LYST: variants seen among roughly 807,000 people sequenced by gnomAD.
LYST encodes lysosomal-trafficking regulator.
LYST carries 192 observed loss-of-function variants against 413.6 expected under a neutral mutation model. The observed-to-expected ratio is 0.46, with a 90% CI of 0.41 to 0.52. LYST has a LOEUF of 0.52. Ranked by LOEUF, LYST falls within the 20% of genes least tolerant of loss-of-function variation. The pLI, the probability that LYST is intolerant of heterozygous loss-of-function variation, is 0.00. For synonymous variants in LYST, 1,525 were observed against 1,567.3 expected (o/e 0.97, Z 0.64); for missense variants, 3,815 against 4,499.9 (o/e 0.85, Z 4.35).
intron 30 of LYST, 145 bp downstream of exon 30, chr1:235,743,834 A>AT (rs1665654400): frequency 1.8e-6 from 1 of 570,318 alleles, no homozygotes. Flanking sequence ...TTATTCTATA[A>AT]TTAAAAATTC....
rs200512912 is a variant in LYST at position 235,663,103 on chromosome 1, T to A, written c.11268-25A>T. On this transcript the variant is annotated intron_variant, in intron 52 of 52. Transcript: ENST00000389793. ...GCTGTAAAAAAAAAAAAATTCCCAT[T>A]TGTACATTATATTTCTTAAAAGTGT... is the stretch of plus-strand genomic sequence containing the variant. The A allele has an allele frequency of 1.6e-5, 23 of 1,426,324 alleles. No individual in the cohort carries two copies. In the African/African-American group the frequency reaches 3.2e-4, roughly 20 times the overall value. 88.4% of individuals were successfully genotyped at this position (1,426,324 alleles called of 1,614,324 possible).
chr1:235,730,455 C>G (rs1267357117), intron 36 of LYST, among the ~76,000 whole-genome samples: 1 of 151,416 alleles, frequency 6.6e-6, no homozygotes, highest in Non-Finnish European at 1.5e-5. Context: ...GCAGCTCTAT[C>G]TATATTAATA....
At chr1:235,706,508 A>G (rs1007818805) in intron 44 of LYST, among the ~76,000 whole-genome samples, 2 of 152,198 alleles carry the variant, frequency 1.3e-5, no homozygotes, top group African/African-American at 4.8e-5. Context: ...TTGGGGTCTT[A>G]TTTCCACGTG....
rs778040445 is a variant in LYST, at chr1:235,806,224, T to C, written c.2912A>G (p.Tyr971Cys). The C allele has an allele frequency of 1.2e-6, 2 of 1,613,900 alleles. No homozygotes were observed. The highest frequency in any genetic ancestry group is 2.7e-5 in the African/African-American group (2 of 74,918). ...ADIWSMCRWI[Y>C]MLSSVFQKQF... ...TTTCTGGAACACTGAACTCAACATG[T>C]AGATCCAACGACACATAGACCAAAT... The change falls in exon 6 of 53, where the codon TAC (tyrosine) becomes TGC (cysteine). Residue 971 changes from tyrosine to cysteine, a missense_variant. By Grantham distance (194) the Tyr-to-Cys change is radical. This residue lies in a region of LYST where 1,648 missense variants were observed against 1,810.3 expected (regional missense o/e 0.91). Transcript: ENST00000389793.
In LYST at chr1:235,741,648, G is replaced by A. The variant is rs1464250704; in HGVS notation, c.8152-20C>T. On this transcript the variant is annotated intron_variant, in intron 30 of 52. Transcript: ENST00000389793. The stretch of plus-strand genomic sequence containing the variant: ...TGAACCCTAAAATCAATCAAGATAG[G>A]AATGAATTAGGATCAGACTGCTTAA... The A allele has an allele frequency of 1.3e-6, 2 of 1,566,562 alleles. No homozygotes were observed. The highest frequency in any genetic ancestry group is 1.8e-6 in the Non-Finnish European group (2 of 1,137,388).
intron 1 of LYST, among the ~76,000 whole-genome samples, chr1:235,859,515 T>TTA (rs1553324412): frequency 9.9e-5 from 15 of 151,280 alleles, no homozygotes; most frequent in African/African-American, 3.2e-4. Context: ...TTTTTTTTTT[T>TTA]AAATGTATCT....
chr1:235,775,006 T>C lies in LYST; in HGVS notation c.5541A>G (p.Gln1847=), dbSNP rs750867387. The C allele has an allele frequency of 6.2e-7, 1 of 1,609,936 alleles. No individual in the cohort carries two copies. The highest frequency in any genetic ancestry group is 1.1e-5 in the South Asian group (1 of 90,984). Residue 1847 remains glutamine (Q), a synonymous_variant, in exon 18 of 53, where the codon CAA becomes CAG. Coordinates refer to ENST00000389793, the MANE Select transcript of LYST (RefSeq NM_000081.4). Reference sequence around the variant, plus strand: ...TACAATTTTCTAATTCATGTACTCTTTGTTGGTTGTATTTAATTAATGAGA... The same window carrying C: ...TACAATTTTCTAATTCATGTACTCTCTGTTGGTTGTATTTAATTAATGAGA... ...VILSLIKYNQ[Q]RVHELENCNG...
intron 41 of LYST, 27 bp downstream of exon 41, chr1:235,716,685 T>C: frequency 6.9e-7 from 1 of 1,451,460 alleles, no homozygotes; most frequent in Non-Finnish European, 9.6e-7. Context: ...TTTCATTTAA[T>C]AAAGTACGAG....
chr1:235,720,572 T>C (rs1200660852), intron 40 of LYST, 89 bp downstream of exon 40: 3 of 1,260,910 alleles, frequency 2.4e-6, no homozygotes, highest in African/African-American at 1.5e-5. Flanking sequence ...ATTTTGTGCA[T>C]GTTTGAAATT....
chr1:235,830,185 C>T (rs2102996047), intron 3 of LYST, 41 bp downstream of exon 3: 6 of 1,441,060 alleles, frequency 4.2e-6, no homozygotes, highest in Non-Finnish European at 5.9e-6. Context: ...AGTTAACTAT[C>T]ATATATTGAT....
intron 45 of LYST, among the ~76,000 whole-genome samples, chr1:235,699,028 G>GC (rs1485045524): frequency 6.6e-6 from 1 of 152,084 alleles, no homozygotes; most frequent in Admixed American, 6.5e-5. Flanking sequence ...TAAACTTCTA[G>GC]TTTTTCAATG....
At chr1:235,707,767 G>A (rs1474041319) in intron 44 of LYST, among the ~76,000 whole-genome samples, 2 of 151,968 alleles carry the variant, frequency 1.3e-5, no homozygotes, top group African/African-American at 2.4e-5. Context: ...TCCAACAATA[G>A]AAGACTGCTA....
intron 17 of LYST, among the ~76,000 whole-genome samples, chr1:235,775,721 G>A (rs1452657008): frequency 5.3e-5 from 8 of 152,088 alleles, no homozygotes; most frequent in African/African-American, 1.9e-4. Context: ...TGGAAAGCAG[G>A]AATAAAGGGG....
intron 3 of LYST, among the ~76,000 whole-genome samples, chr1:235,820,526 C>A (rs574080334): frequency 6.6e-6 from 1 of 152,114 alleles, no homozygotes; most frequent in African/African-American, 2.4e-5. Flanking sequence ...CGTGCCACCA[C>A]ACCTGGTTGA....
At chr1:235,825,543 AAAC>A (rs1157909794) in intron 3 of LYST, among the ~76,000 whole-genome samples, 1 of 152,226 alleles carries the variant, frequency 6.6e-6, no homozygotes, top group Non-Finnish European at 1.5e-5. Flanking sequence ...TATGAGCAAC[AAAC>A]AACAGGAAAA....
At chr1:235,695,425 G>A (rs1304626082) in intron 46 of LYST, among the ~76,000 whole-genome samples, 1 of 152,178 alleles carries the variant, frequency 6.6e-6, no homozygotes, top group Non-Finnish European at 1.5e-5. Flanking sequence ...CCCAGGTTCT[G>A]ACAAATTCCA....
chr1:235,751,793 C>T (rs562571165), intron 27 of LYST, among the ~76,000 whole-genome samples: 1 of 152,192 alleles, frequency 6.6e-6, no homozygotes, highest in African/African-American at 2.4e-5. Context: ...TTATGTATTG[C>T]CAACTACTAA....
At chr1:235,818,074 T>G (rs1258913661) in intron 3 of LYST, among the ~76,000 whole-genome samples, 1 of 152,194 alleles carries the variant, frequency 6.6e-6, no homozygotes, top group African/African-American at 2.4e-5. Flanking sequence ...CATGATTATT[T>G]TTGTCACTTC....
chr1:235,693,289 T>C (rs1572011331), intron 47 of LYST, 61 bp downstream of exon 47: 4 of 1,282,068 alleles, frequency 3.1e-6, no homozygotes, highest in East Asian at 2.5e-5. Flanking sequence ...CGCTCCAGCT[T>C]GGGCGGCAGA....
Sources: allele counts gnomAD v4.1 joint callset (sites outside exome capture counted in the v4.1 genomes callset), GRCh38; gene constraint gnomAD v4.1.1; regional missense constraint gnomAD v4.1.1; transcripts MANE v1.5; gene names NCBI Gene and HGNC (gene_info 2026-07-23, HGNC 2026-07-21).